The following FRMD4A variants were observed in gnomAD, a reference collection of about 807,000 sequenced individuals.
FRMD4A encodes FERM domain containing 4A, also known as FERM domain-containing protein 4A.
In FRMD4A, 29 loss-of-function variants were observed where a neutral mutation model predicts 129.1. That is an observed-to-expected ratio of 0.22 (90% CI 0.17 to 0.31). The LOEUF (loss-of-function observed/expected upper bound fraction) is 0.31. FRMD4A is among the 10% of genes least tolerant of loss of function. The pLI, the probability that FRMD4A is intolerant of heterozygous loss-of-function variation, is 1.00. For missense variants in FRMD4A, 1,272 were observed against 1,375.8 expected, an observed-to-expected ratio of 0.92 and a Z score of 1.19; for synonymous variants, 634 against 571.6, an observed-to-expected ratio of 1.11 and a Z score of -1.56.
At chr10:13,881,651 C>G (rs1361873651) in intron 2 of FRMD4A, among the ~76,000 whole-genome samples, 1 of 152,078 alleles carries the variant, frequency 6.6e-6, no homozygotes, top group Admixed American at 6.6e-5. Context: ...TTCTGAGCAC[C>G]TGCCAAATGC....
chr10:13,875,682 A>C (rs965627256), intron 2 of FRMD4A, among the ~76,000 whole-genome samples: 2 of 152,202 alleles, frequency 1.3e-5, no homozygotes, highest in African/African-American at 4.8e-5. Context: ...AGAGAGACCA[A>C]AGAAGGATAA....
At chr10:13,714,931 C>T (rs546169375) in intron 12 of FRMD4A, among the ~76,000 whole-genome samples, 8 of 151,912 alleles carry the variant, frequency 5.3e-5, no homozygotes, top group Admixed American at 6.6e-5. Context: ...CCCAGCTATT[C>T]GGGAGGCTGA....
chr10:14,094,380 C>A (rs1836829510), intron 2 of FRMD4A, among the ~76,000 whole-genome samples: 1 of 152,202 alleles, frequency 6.6e-6, no homozygotes, highest in African/African-American at 2.4e-5. Context: ...GATCACAGAA[C>A]TGAAGCAAGT....
chr10:13,669,056 A>ATTT (rs2083291741), intron 17 of FRMD4A, among the ~76,000 whole-genome samples: 3 of 85,040 alleles, frequency 3.5e-5, no homozygotes, highest in Non-Finnish European at 6.9e-5. Context: ...ACTGAGCTTT[A>ATTT]GTTTTTTTTT....
At chr10:13,792,933 G>A (rs1483518176) in intron 5 of FRMD4A, among the ~76,000 whole-genome samples, 1 of 152,116 alleles carries the variant, frequency 6.6e-6, no homozygotes, top group African/African-American at 2.4e-5. Context: ...GATGGAGAGG[G>A]GTTCTGAGTT....
chr10:13,993,228 TC>T (rs953586156), intron 2 of FRMD4A, among the ~76,000 whole-genome samples: 2 of 152,076 alleles, frequency 1.3e-5, no homozygotes, highest in Non-Finnish European at 2.9e-5. Flanking sequence ...ACTTGCCTCC[TC>T]CCCCAGCAGG....
chr10:14,170,759 G>C (rs986255720), intron 2 of FRMD4A, among the ~76,000 whole-genome samples: 15 of 152,050 alleles, frequency 9.9e-5, no homozygotes, highest in Non-Finnish European at 1.6e-4. Context: ...TTTAAGAAAA[G>C]AACTCCAATC....
intron 2 of FRMD4A, among the ~76,000 whole-genome samples, chr10:14,299,787 G>A (rs1022751124): frequency 6.6e-6 from 1 of 152,190 alleles, no homozygotes; most frequent in Non-Finnish European, 1.5e-5. Flanking sequence ...ATAATTAAGA[G>A]CCTAGAAGGA....
intron 2 of FRMD4A, among the ~76,000 whole-genome samples, chr10:14,283,079 A>C (rs569135266): frequency 1.3e-5 from 2 of 152,386 alleles, no homozygotes; most frequent in South Asian, 4.1e-4. Context: ...AGTGTCTCTT[A>C]TGAGTTCCAG....
chr10:13,846,455 T>C (rs963985171), intron 3 of FRMD4A, among the ~76,000 whole-genome samples: 2 of 152,088 alleles, frequency 1.3e-5, no homozygotes, highest in Non-Finnish European at 2.9e-5. Context: ...GGGGTGAAGG[T>C]GATGGGGTTC....
intron 21 of FRMD4A, among the ~76,000 whole-genome samples, chr10:13,658,138 A>T (rs1348807095): frequency 2.7e-5 from 4 of 149,420 alleles, no homozygotes; most frequent in African/African-American, 9.8e-5. Context: ...CTCTTAAAAA[A>T]AAAAAAAAAA....
At chr10:13,921,459 G>C (rs2446592) in intron 2 of FRMD4A, among the ~76,000 whole-genome samples, 139,041 of 151,980 alleles carry the variant, frequency 0.91, 63,695 homozygotes, top group South Asian at 0.94. Flanking sequence ...TCAGGTCTCA[G>C]TATGTTGCCC....
intron 2 of FRMD4A, among the ~76,000 whole-genome samples, chr10:14,260,920 T>C (rs1305776404): frequency 6.6e-6 from 1 of 152,236 alleles, no homozygotes. Flanking sequence ...GCTTGGCCAC[T>C]AACTCCATTG....
chr10:13,725,453 T>G (rs1209677500), intron 12 of FRMD4A, among the ~76,000 whole-genome samples: 1 of 152,198 alleles, frequency 6.6e-6, no homozygotes, highest in African/African-American at 2.4e-5. Flanking sequence ...GATAATTACA[T>G]TCCTCCCCTC....
intron 3 of FRMD4A, among the ~76,000 whole-genome samples, chr10:13,845,430 C>T (rs1468352864): frequency 2.0e-5 from 3 of 152,230 alleles, no homozygotes; most frequent in Non-Finnish European, 4.4e-5. Context: ...TCTACGACTA[C>T]TCCATGAAGC....
intron 2 of FRMD4A, among the ~76,000 whole-genome samples, chr10:14,119,513 G>GC (rs1838382972): frequency 6.6e-6 from 1 of 152,160 alleles, no homozygotes; most frequent in Non-Finnish European, 1.5e-5. Context: ...TAACACATTG[G>GC]CAGCATTTGG....
At chr10:14,017,220 G>A (rs529848461) in intron 2 of FRMD4A, among the ~76,000 whole-genome samples, 2 of 152,292 alleles carry the variant, frequency 1.3e-5, no homozygotes, top group African/African-American at 4.8e-5. Context: ...GATTAAACGG[G>A]TAATAAGCTG....
At chr10:14,244,286 C>T (rs1589221753) in intron 2 of FRMD4A, among the ~76,000 whole-genome samples, 1 of 152,220 alleles carries the variant, frequency 6.6e-6, no homozygotes, top group South Asian at 2.1e-4. Flanking sequence ...GACTTCCACC[C>T]CCTTCCAGGC....
chr10:13,972,010 A>T, intron 2 of FRMD4A: 1 of 1,178,190 alleles, frequency 8.5e-7, no homozygotes, highest in Non-Finnish European at 1.1e-6. Flanking sequence ...TCCTTCAAGG[A>T]TAAGCAAAAG....
Sources: gnomAD v4.1 joint callset for allele counts (sites outside exome capture counted in the v4.1 genomes callset) on GRCh38, gnomAD v4.1.1 for gene constraint, MANE v1.5 for transcripts, NCBI Gene and HGNC (gene_info 2026-07-23, HGNC 2026-07-21) for gene names.